Variants in NARS1 observed in about 807,000 individuals in gnomAD.
The protein encoded by NARS1 is asparagine--tRNA ligase, cytoplasmic.
In NARS1, 65 loss-of-function variants were observed where a neutral mutation model predicts 79.2. That is an observed-to-expected ratio of 0.82 (90% CI 0.67 to 1.01). NARS1 has a LOEUF of 1.01. NARS1 is among the 50% of genes least tolerant of loss of function. The pLI is 0.00. For missense variants in NARS1, 649 were observed against 673.8 expected, an observed-to-expected ratio of 0.96 and a Z score of 0.41; for synonymous variants, 229 against 238.8, an observed-to-expected ratio of 0.96 and a Z score of 0.38.
chr18:57,605,793 A>T, intron 11 of NARS1, 64 bp downstream of exon 11: 1 of 1,093,106 alleles, frequency 9.1e-7, no homozygotes, highest in East Asian at 2.7e-5. Flanking sequence ...CTAGTTCATT[A>T]ACCAGAAGAA....
intron 7 of NARS1, among the ~76,000 whole-genome samples, chr18:57,608,299 T>C (rs62092555): frequency 0.12 from 18,522 of 151,734 alleles, 2,223 homozygotes; most frequent in African/African-American, 0.31. Context: ...AAATACAAAA[T>C]ATTAGCCAGG....
At position 57,601,514 on chromosome 18, in the gene NARS1, A is replaced by C. The variant is rs1225481343; in HGVS notation, c.*138T>G. On this transcript the variant is annotated 3_prime_UTR_variant, in exon 14 of 14. Coordinates refer to ENST00000256854, the MANE Select transcript of NARS1 (RefSeq NM_004539.4). ...ACTTGATGTTCAGGTGATTTGAGAT[A>C]GTTTTTATGGTAGTAGAAAGAAAAA... 2 of 790,440 alleles carry C rather than the reference A, an allele frequency of 2.5e-6. No individual in the cohort carries two copies. Among genetic ancestry groups the C allele is most frequent in the African/African-American group, 1.7e-5 (1 of 57,324 alleles). 49.0% of individuals were successfully genotyped at this position (790,440 alleles called of 1,614,324 possible).
intron 6 of NARS1, among the ~76,000 whole-genome samples, chr18:57,611,159 A>T (rs928404256): frequency 6.6e-6 from 1 of 151,516 alleles, no homozygotes; most frequent in Non-Finnish European, 1.5e-5. Flanking sequence ...TAGAGATAGG[A>T]TTTCACCATG....
chr18:57,608,985 C>T (rs868710191), intron 7 of NARS1, among the ~76,000 whole-genome samples: 1 of 152,352 alleles, frequency 6.6e-6, no homozygotes. Flanking sequence ...TGTCATTGAA[C>T]ATCAGACTCC....
At chr18:57,614,540 G>A (rs2051631855) in intron 4 of NARS1, among the ~76,000 whole-genome samples, 1 of 151,994 alleles carries the variant, frequency 6.6e-6, no homozygotes, top group Non-Finnish European at 1.5e-5. Flanking sequence ...AGAACTACTG[G>A]AAATCAAACC....
At chr18:57,605,718 GC>G in intron 11 of NARS1, 138 bp downstream of exon 11, 1 of 623,896 alleles carries the variant, frequency 1.6e-6, no homozygotes, top group Non-Finnish European at 2.8e-6. Flanking sequence ...GAATCTGCAG[GC>G]AACCCAAGAA....
chr18:57,601,602 A>C lies in NARS1; in HGVS notation c.*50T>G. On this transcript the variant is annotated 3_prime_UTR_variant, in exon 14 of 14. Coordinates refer to ENST00000256854, the MANE Select transcript of NARS1 (RefSeq NM_004539.4). ...TTCTGGCTTTTTGTTTTCTTTTTTA[A>C]AGAGCCTGTTCCTTTCATAATCTTT... 6.6e-7 allele frequency: 1 copy of C among 1,517,774 alleles called. No homozygotes were observed. The highest frequency in any genetic ancestry group is 8.9e-7 in the Non-Finnish European group (1 of 1,124,736). The allele number at this position is 1,517,774 out of a possible 1,614,324, so 94.0% of individuals were successfully genotyped here.
At chr18:57,614,860 A>G (rs2051634681) in intron 4 of NARS1, among the ~76,000 whole-genome samples, 1 of 152,062 alleles carries the variant, frequency 6.6e-6, no homozygotes. Flanking sequence ...ACTCTAAAAC[A>G]TTATTTCTCT....
At position 57,613,655 on chromosome 18, in the gene NARS1, T is replaced by C; in HGVS notation, c.368A>G (p.Tyr123Cys). ...AAACACCTTTACTCTTTGGCCTCTA[T>C]ATCCTTCTAACGCACCAATCTTCAC... Reference protein sequence around the residue: ...KCVKIGALEGYRGQRVKVFGW... With the variant: ...KCVKIGALEGCRGQRVKVFGW... Residue 123 changes from tyrosine (Y) to cysteine (C), a missense_variant, in exon 5 of 14, where the codon TAT (tyrosine) becomes TGT (cysteine). Coordinates refer to ENST00000256854, the MANE Select transcript of NARS1 (RefSeq NM_004539.4). 6.2e-7 allele frequency: 1 copy of C among 1,614,164 alleles called. No homozygotes were observed. The highest frequency in any genetic ancestry group is 8.5e-7 in the Non-Finnish European group (1 of 1,179,976).
chr18:57,617,922 A>T (rs1050862874), intron 2 of NARS1, among the ~76,000 whole-genome samples: 6 of 151,032 alleles, frequency 4.0e-5, no homozygotes, highest in African/African-American at 1.5e-4. Flanking sequence ...TTCAAAAAAA[A>T]AAAAAAGAAA....
At chr18:57,603,008 T>G in intron 11 of NARS1, 65 bp from the exon 12 acceptor site, 2 of 1,553,276 alleles carry the variant, frequency 1.3e-6, no homozygotes, top group Non-Finnish European at 1.8e-6. Flanking sequence ...AAGCAGCTCC[T>G]TCACCCTGTA....
chr18:57,610,883 A>G (rs1322796872), intron 6 of NARS1, among the ~76,000 whole-genome samples: 2 of 152,280 alleles, frequency 1.3e-5, no homozygotes, highest in Middle Eastern at 3.4e-3. Flanking sequence ...GTACGAACTG[A>G]TAACAAGAAT....
intron 4 of NARS1, 27 bp downstream of exon 4, chr18:57,615,614 G>A (rs755809190): frequency 3.8e-5 from 57 of 1,497,678 alleles, no homozygotes; most frequent in Admixed American, 1.2e-4. Flanking sequence ...CCAAGTCCAC[G>A]GTATTTGAAA....
chr18:57,601,787 T>C lies in NARS1; in HGVS notation c.1516-4A>G. On this transcript the variant is annotated splice_polypyrimidine_tract_variant and splice_region_variant and intron_variant, in intron 13 of 13. Coordinates refer to ENST00000256854, the MANE Select transcript of NARS1 (RefSeq NM_004539.4). ...GGGGACATGTACCGTATTTTCTCTG[T>C]TTAAAAAAAGAAAGAAAGAAAGAGG... The C allele has an allele frequency of 1.2e-6, 2 of 1,612,258 alleles. No homozygotes were observed. The highest frequency in any genetic ancestry group is 1.7e-6 in the Non-Finnish European group (2 of 1,178,862).
intron 12 of NARS1, 68 bp from the exon 13 acceptor site, chr18:57,602,554 T>G: frequency 3.9e-6 from 6 of 1,536,860 alleles, no homozygotes; most frequent in Non-Finnish European, 5.3e-6. Flanking sequence ...TGCCCTAGAG[T>G]TTAAATGAAA....
intron 2 of NARS1, among the ~76,000 whole-genome samples, chr18:57,616,948 CAAAAAAAAAAAAAAAAA>C (rs59363506): frequency 4.1e-5 from 3 of 72,788 alleles, no homozygotes; most frequent in South Asian, 6.6e-4. Context: ...GACTCTGTCT[CAAAAAAAAAAAAAAAAA>C]AAAAAAAAAA....
intron 4 of NARS1, 129 bp from the exon 5 acceptor site, chr18:57,613,809 C>A (rs1051917238): frequency 2.0e-5 from 14 of 697,692 alleles, no homozygotes; most frequent in African/African-American, 5.3e-5. Context: ...GACAGCCCCT[C>A]TACTGCAGCT....
At chr18:57,605,146 T>A (rs755616480) in intron 11 of NARS1, among the ~76,000 whole-genome samples, 52 of 40,090 alleles carry the variant, frequency 1.3e-3, no homozygotes, top group Non-Finnish European at 3.0e-3. Context: ...TATATATATA[T>A]ATATATATCT....
At chr18:57,608,437 C>CAAAAAAAAA (rs1175712420) in intron 7 of NARS1, among the ~76,000 whole-genome samples, 26 of 78,222 alleles carry the variant, frequency 3.3e-4, no homozygotes, top group East Asian at 1.3e-3. Flanking sequence ...AACTCCGTCT[C>CAAAAAAAAA]AAAAAAAAAA....
Sources: allele counts gnomAD v4.1 joint callset (sites outside exome capture counted in the v4.1 genomes callset), GRCh38; gene constraint gnomAD v4.1.1; transcripts MANE v1.5; gene names NCBI Gene and HGNC (gene_info 2026-07-23, HGNC 2026-07-21).